Variants in HAPLN2 observed in about 807,000 individuals in gnomAD.
HAPLN2 encodes the protein hyaluronan and proteoglycan link protein 2, also known as brain link protein-1.
HAPLN2 carries 27 observed loss-of-function variants against 29.3 expected under a neutral mutation model. The ratio of observed to expected loss-of-function variants is 0.92; its 90% CI spans 0.68 to 1.27. The LOEUF (loss-of-function observed/expected upper bound fraction) is 1.27. HAPLN2 is among the 50% of genes most tolerant of loss of function. The probability of loss-of-function intolerance (pLI) is 0.00; values close to 1 mark genes in which losing one functional copy is unlikely to be tolerated. For missense variants in HAPLN2, 454 were observed against 484.3 expected (o/e 0.94, Z 0.59); for synonymous variants, 208 against 211.7 (o/e 0.98, Z 0.15).
Position 156,624,098 on chromosome 1 carries a change from A to G in HAPLN2, c.377A>G (p.Tyr126Cys). 6.2e-7 allele frequency: 1 copy of G among 1,613,692 alleles called. No individual in the cohort carries two copies. ...AGVRLEDEGR[Y>C]RCELINGIED... ...GTGCGCCTGGAGGACGAGGGCCGGT[A>G]CCGCTGCGAGCTCATCAACGGCATC... is the stretch of plus-strand genomic sequence containing the variant. The change falls in exon 4 of 7, where the codon TAC becomes TGC. Residue 126 changes from tyrosine to cysteine, a missense_variant. Tyr to Cys is a radical substitution (Grantham distance 194). Coordinates refer to ENST00000255039, the MANE Select transcript of HAPLN2 (RefSeq NM_021817.3).
At chr1:156,620,218 T>C (rs1363411480) in intron 2 of HAPLN2, 60 bp downstream of exon 2, 1 of 152,228 alleles carries the variant, frequency 6.6e-6, no homozygotes, top group African/African-American at 2.4e-5. Flanking sequence ...AGCATGTGTG[T>C]GCACTGTTTT....
rs771850475 is a variant in HAPLN2, at chr1:156,624,641, GC to G, written c.598del (p.Leu200SerfsTer57). On this transcript the variant is annotated frameshift_variant, in exon 6 of 7. Transcript: ENST00000255039. LOFTEE classifies it high-confidence loss of function. Reference protein sequence around the residue: ...GLDWCNAGWLLEGSVRYPVLT... With the variant: ...GLDWCNAGWLXEGSVRYPVLT... ...TGGACTGGTGTAACGCGGGCTGGCT[GC>G]TCGAGGGCTCCGTGCGCTACCCTGT... 1 of 1,611,878 alleles carries G rather than the reference GC, an allele frequency of 6.2e-7. No individual in the cohort carries two copies. The highest frequency in any genetic ancestry group is 1.3e-5 in the African/African-American group (1 of 74,910).
chr1:156,605,490 C>T, the HAPLN2 span, among the ~76,000 whole-genome samples: 2 of 148,764 alleles, frequency 1.3e-5, no homozygotes, highest in South Asian at 4.3e-4. Context: ...ATCCCAGCTA[C>T]TCTGGAGGCT....
chr1:156,614,766 A>G (rs1678021497), upstream of HAPLN2: 1 of 152,238 alleles, frequency 6.6e-6, no homozygotes, highest in South Asian at 2.1e-4. Flanking sequence ...TGAGATATTT[A>G]TTTGGAGGGA....
intron 2 of HAPLN2, among the ~76,000 whole-genome samples, chr1:156,621,438 G>T (rs1678218181): frequency 6.6e-6 from 1 of 151,612 alleles, no homozygotes; most frequent in Non-Finnish European, 1.5e-5. Flanking sequence ...AGAGGGATAA[G>T]AATGATACAA....
rs200755008 is a variant in HAPLN2, at chr1:156,623,468, C to T, written c.-23C>T. The T allele has an allele frequency of 2.4e-5, 39 of 1,612,916 alleles. No individual in the cohort carries two copies. The highest frequency in any genetic ancestry group is 3.0e-5 in the Non-Finnish European group (35 of 1,179,366). On this transcript the variant is annotated splice_region_variant and 5_prime_UTR_variant, in exon 3 of 7. In the 5' UTR this introduces an upstream ATG that the reference lacks. Coordinates refer to ENST00000255039, the MANE Select transcript of HAPLN2 (RefSeq NM_021817.3). ...CTGCCCACTCTTTGTGCCCTGCAGA[C>T]GGTGCCGGGCTGACCCCCCATCATG...
At chr1:156,611,575 A>G in the HAPLN2 span, among the ~76,000 whole-genome samples, 1 of 152,118 alleles carries the variant, frequency 6.6e-6, no homozygotes, top group South Asian at 2.1e-4. Flanking sequence ...CAAAAACAAA[A>G]AACAAAAAAA....
chr1:156,608,862 C>A, the HAPLN2 span, among the ~76,000 whole-genome samples: 1 of 152,206 alleles, frequency 6.6e-6, no homozygotes. Flanking sequence ...GTAGCAGACA[C>A]ACCCATTTGG....
the HAPLN2 span, among the ~76,000 whole-genome samples, chr1:156,610,601 T>C: frequency 2.6e-5 from 4 of 151,166 alleles, no homozygotes; most frequent in African/African-American, 9.7e-5. Context: ...GATCGCGCCA[T>C]TGCACTCCAG....
At position 156,624,099 on chromosome 1, in the gene HAPLN2, C is replaced by A; in HGVS notation, c.378C>A (p.Tyr126Ter). Residue 126 changes from tyrosine (Y) to a stop codon, truncating the protein, a stop_gained, in exon 4 of 7, where the codon TAC becomes TAA. Transcript: ENST00000255039. LOFTEE classifies it high-confidence loss of function. ...TGCGCCTGGAGGACGAGGGCCGGTA[C>A]CGCTGCGAGCTCATCAACGGCATCG... The part of the protein sequence containing the change: ...AGVRLEDEGR[Y>*]RCELINGIED... 6.2e-7 allele frequency: 1 copy of A among 1,613,746 alleles called. No homozygotes were observed. The highest frequency in any genetic ancestry group is 8.5e-7 in the Non-Finnish European group (1 of 1,179,930).
rs1420259101 is a variant in HAPLN2 at position 156,623,979 on chromosome 1, C to T, written c.258C>T (p.Thr86=). 1 of 1,608,050 alleles carries T rather than the reference C, an allele frequency of 6.2e-7. No homozygotes were observed. The highest frequency in any genetic ancestry group is 1.1e-5 in the South Asian group (1 of 90,092). The change falls in exon 4 of 7, where the codon ACC becomes ACT. Residue 86 remains threonine (T), a synonymous_variant. Coordinates refer to ENST00000255039, the MANE Select transcript of HAPLN2 (RefSeq NM_021817.3). ...GELRETLILI[T]NGLHARGYGP... ...TCCGGGAAACGCTGATCCTCATCAC[C>T]AACGGACTGCACGCCCGGGGGTATG...
the HAPLN2 span, among the ~76,000 whole-genome samples, chr1:156,611,216 G>T: frequency 5.4e-5 from 8 of 147,984 alleles, no homozygotes; most frequent in African/African-American, 2.0e-4. Context: ...CGAGGCTGCA[G>T]TGAGCTATGA....
chr1:156,605,097 C>A, the HAPLN2 span, among the ~76,000 whole-genome samples: 2 of 151,710 alleles, frequency 1.3e-5, no homozygotes, highest in Non-Finnish European at 2.9e-5. Context: ...GAAACCCCGT[C>A]TCTACTAAAA....
In HAPLN2 at chr1:156,624,150, G is replaced by C; in HGVS notation, c.429G>C (p.Leu143Phe). 1.9e-6 allele frequency: 3 copies of C among 1,613,128 alleles called. No individual in the cohort carries two copies. The highest frequency in any genetic ancestry group is 2.5e-6 in the Non-Finnish European group (3 of 1,179,698). ...AGGACGAGAGCGTGGCGCTGACCTT[G>C]AGCTTGGAGGGTGAGGCCCTTCCGC... ...GIEDESVALTLSLEGVVFPYQ... is the reference protein window; with the variant it reads ...GIEDESVALTFSLEGVVFPYQ... The change falls in exon 4 of 7, where the codon TTG (leucine) becomes TTC (phenylalanine). Residue 143 changes from leucine (L) to phenylalanine (F), a missense_variant. By Grantham distance (22) the Leu-to-Phe change is conservative (BLOSUM62 0). This residue lies in a region of HAPLN2 where 204 missense variants were observed against 209.2 expected (regional missense o/e 0.98). Transcript: ENST00000255039.
Position 156,623,480 on chromosome 1 carries a change from G to A in HAPLN2, c.-11G>A, listed in dbSNP as rs762196013. ...TGTGCCCTGCAGACGGTGCCGGGCT[G>A]ACCCCCCATCATGCCAGGCTGGCTC... On this transcript the variant is annotated 5_prime_UTR_variant, in exon 3 of 7. Coordinates refer to ENST00000255039, the MANE Select transcript of HAPLN2 (RefSeq NM_021817.3). The A allele has an allele frequency of 1.4e-5, 22 of 1,613,888 alleles. No individual in the cohort carries two copies. The highest frequency in any genetic ancestry group is 1.6e-5 in the Non-Finnish European group (19 of 1,179,948).
upstream of HAPLN2, among the ~76,000 whole-genome samples, chr1:156,616,406 C>A (rs375496161): frequency 6.6e-6 from 1 of 152,182 alleles, no homozygotes; most frequent in Non-Finnish European, 1.5e-5. Flanking sequence ...TCTGTCCTCA[C>A]TGGGTTGTTT....
At position 156,623,575 on chromosome 1, in the gene HAPLN2, G is replaced by C. The variant is rs1678327779; in HGVS notation, c.85G>C (p.Ala29Pro). Residue 29 changes from alanine to proline, a missense_variant and splice_region_variant, in exon 3 of 7, where the codon GCA (alanine) becomes CCA (proline). Ala to Pro is a conservative substitution (Grantham distance 27). Coordinates refer to ENST00000255039, the MANE Select transcript of HAPLN2 (RefSeq NM_021817.3). ...TIFHKAQGDPASHPGPHYLLP... is the reference protein window; with the variant it reads ...TIFHKAQGDPPSHPGPHYLLP... ...CTTCCACAAAGCCCAAGGAGACCCA[G>C]GTAAGACCCCAGCCCAGGCCAGAAT... 1 of 1,614,036 alleles carries C rather than the reference G, an allele frequency of 6.2e-7. No homozygotes were observed. The highest frequency in any genetic ancestry group is 1.7e-5 in the Admixed American group (1 of 60,000).
At chr1:156,622,168 G>C (rs1678249996) in intron 2 of HAPLN2, among the ~76,000 whole-genome samples, 1 of 152,076 alleles carries the variant, frequency 6.6e-6, no homozygotes, top group Non-Finnish European at 1.5e-5. Flanking sequence ...AAAAAGTCCT[G>C]GCTGGGTGTG....
chr1:156,608,541 T>G, the HAPLN2 span, among the ~76,000 whole-genome samples: 6 of 151,934 alleles, frequency 3.9e-5, no homozygotes, highest in Admixed American at 3.9e-4. Context: ...TCTTCCTTCC[T>G]TTCCTTACTT....
Sources: allele counts gnomAD v4.1 joint callset (sites outside exome capture counted in the v4.1 genomes callset), GRCh38; gene constraint gnomAD v4.1.1; regional missense constraint gnomAD v4.1.1; transcripts MANE v1.5; gene names NCBI Gene and HGNC (gene_info 2026-07-23, HGNC 2026-07-21).